SNX18: variants seen among roughly 807,000 people sequenced by gnomAD.
SNX18 encodes sorting nexin-18.
SNX18 carries 35 observed loss-of-function variants against 48.7 expected under a neutral mutation model. The ratio of observed to expected loss-of-function variants is 0.72; its 90% confidence interval spans 0.55 to 0.95. The LOEUF (loss-of-function observed/expected upper bound fraction) is 0.95. Ranked by LOEUF, SNX18 falls within the 40% of genes least tolerant of loss-of-function variation. The pLI, the probability that SNX18 is intolerant of heterozygous loss-of-function variation, is 0.00. For synonymous variants in SNX18, 492 were observed against 384.7 expected (o/e 1.28, Z -3.26); for missense variants, 824 against 871.0 (o/e 0.95, Z 0.68).
At chr5:54,570,518 A>G in the SNX18 span, among the ~76,000 whole-genome samples, 8 of 152,212 alleles carry the variant, frequency 5.3e-5, no homozygotes, top group Admixed American at 1.3e-4. Flanking sequence ...TATTTAATCA[A>G]TCTTAAATAG....
At chr5:54,601,960 T>C in the SNX18 span, among the ~76,000 whole-genome samples, 2 of 152,138 alleles carry the variant, frequency 1.3e-5, no homozygotes, top group East Asian at 3.9e-4. Context: ...GTCTGGAGTT[T>C]TTCATAATTC....
chr5:54,572,336 G>A, the SNX18 span, among the ~76,000 whole-genome samples: 2 of 152,124 alleles, frequency 1.3e-5, no homozygotes, highest in Non-Finnish European at 2.9e-5. Context: ...GGAATGGTCT[G>A]TAAACAAGCA....
chr5:54,629,713 C>T, the SNX18 span, among the ~76,000 whole-genome samples: 2 of 152,316 alleles, frequency 1.3e-5, no homozygotes, highest in Admixed American at 1.3e-4. Flanking sequence ...CAGCAACTTT[C>T]ACAGTGCTTT....
At chr5:54,599,888 A>G in the SNX18 span, among the ~76,000 whole-genome samples, 4 of 152,234 alleles carry the variant, frequency 2.6e-5, no homozygotes, top group African/African-American at 7.2e-5. Context: ...AAACTCTGGA[A>G]GAAAGTCTAG....
chr5:54,564,870 C>G, the SNX18 span, among the ~76,000 whole-genome samples: 3 of 151,224 alleles, frequency 2.0e-5, no homozygotes, highest in Non-Finnish European at 4.4e-5. Context: ...AACAAACAAA[C>G]AAAAACAAAC....
At chr5:54,522,406 T>C (rs893597412) in intron 1 of SNX18, among the ~76,000 whole-genome samples, 5 of 152,232 alleles carry the variant, frequency 3.3e-5, no homozygotes, top group African/African-American at 1.2e-4. Flanking sequence ...AAAGTTCTAT[T>C]GGACAGTGCT....
chr5:54,589,779 C>T, the SNX18 span, among the ~76,000 whole-genome samples: 2 of 152,132 alleles, frequency 1.3e-5, no homozygotes. Context: ...TAGAGGAAAC[C>T]AGGGCCCTGT....
At chr5:54,564,146 G>T in the SNX18 span, among the ~76,000 whole-genome samples, 11 of 152,144 alleles carry the variant, frequency 7.2e-5, no homozygotes, top group Admixed American at 5.9e-4. Flanking sequence ...GGCGCCTGTA[G>T]TCCCAGCTAC....
At chr5:54,550,012 T>C (rs1352279967), downstream of SNX18, among the ~76,000 whole-genome samples, 2 of 152,206 alleles carry the variant, frequency 1.3e-5, no homozygotes, top group African/African-American at 4.8e-5. Context: ...CTTAAAAACA[T>C]TGGAGTGCAG....
At chr5:54,527,358 C>T (rs1269894664) in intron 1 of SNX18, among the ~76,000 whole-genome samples, 2 of 140,774 alleles carry the variant, frequency 1.4e-5, no homozygotes, top group African/African-American at 2.6e-5. Flanking sequence ...GTCGGGGAGC[C>T]GGGGGGGGGG....
the SNX18 span, among the ~76,000 whole-genome samples, chr5:54,596,327 CATCTCTACCA>C: frequency 6.6e-6 from 1 of 152,070 alleles, no homozygotes; most frequent in Non-Finnish European, 1.5e-5. Flanking sequence ...CTCTCCCCAC[CATCTCTACCA>C]AAACAGACTC....
chr5:54,562,919 A>G, the SNX18 span, among the ~76,000 whole-genome samples: 1 of 152,194 alleles, frequency 6.6e-6, no homozygotes, highest in Non-Finnish European at 1.5e-5. Context: ...GATATTGATG[A>G]TCCTGACCCT....
At chr5:54,559,048 G>A in the SNX18 span, among the ~76,000 whole-genome samples, 5 of 151,994 alleles carry the variant, frequency 3.3e-5, no homozygotes, top group South Asian at 2.1e-4. Flanking sequence ...AAGGAGAACT[G>A]TTAAACACTG....
At chr5:54,574,575 G>A in the SNX18 span, among the ~76,000 whole-genome samples, 1 of 152,182 alleles carries the variant, frequency 6.6e-6, no homozygotes, top group African/African-American at 2.4e-5. Context: ...ATGGAAAAAA[G>A]GAGAAAATGG....
At chr5:54,626,816 G>C in the SNX18 span, among the ~76,000 whole-genome samples, 110,307 of 152,098 alleles carry the variant, frequency 0.73, 40,724 homozygotes, top group African/African-American at 0.86. Flanking sequence ...CTGTGGGTAA[G>C]ATAGCAAACT....
chr5:54,605,261 C>CAACG, the SNX18 span, among the ~76,000 whole-genome samples: 1 of 152,042 alleles, frequency 6.6e-6, no homozygotes, highest in African/African-American at 2.4e-5. Flanking sequence ...ATAGTGGTAA[C>CAACG]ATTTTACCTG....
chr5:54,647,197 T>C, the SNX18 span, among the ~76,000 whole-genome samples: 1 of 152,256 alleles, frequency 6.6e-6, no homozygotes, highest in African/African-American at 2.4e-5. Flanking sequence ...TATTCAATAA[T>C]CATTTACTAA....
At chr5:54,637,708 T>G in the SNX18 span, among the ~76,000 whole-genome samples, 5 of 152,222 alleles carry the variant, frequency 3.3e-5, no homozygotes. Context: ...AAAACAGTTG[T>G]GTCAAAATGG....
chr5:54,614,959 A>G, the SNX18 span, among the ~76,000 whole-genome samples: 1 of 152,218 alleles, frequency 6.6e-6, no homozygotes, highest in African/African-American at 2.4e-5. Flanking sequence ...CATTTTACAG[A>G]TGAGGACATT....
Sources: allele counts gnomAD v4.1 joint callset (sites outside exome capture counted in the v4.1 genomes callset), GRCh38; gene constraint gnomAD v4.1.1; transcripts MANE v1.5; gene names NCBI Gene and HGNC (gene_info 2026-07-23, HGNC 2026-07-21).